TANC2: variants seen among roughly 807,000 people sequenced by gnomAD.
TANC2 encodes the protein protein TANC2.
In TANC2, 26 loss-of-function variants were observed where a neutral mutation model predicts 210.5. The observed-to-expected ratio is 0.12, with a 90% CI of 0.09 to 0.17. The LOEUF (loss-of-function observed/expected upper bound fraction) is 0.17, where lower values mean the gene tolerates loss of function less well. Ranked by LOEUF, TANC2 falls within the 10% of genes least tolerant of loss-of-function variation. TANC2 has a pLI of 1.00. For missense variants in TANC2, 2,129 were observed against 2,608.9 expected (o/e 0.82, Z 4.01); for synonymous variants, 931 against 967.1 (o/e 0.96, Z 0.69).
chr17:63,305,838 C>T (rs2146523867), intron 9 of TANC2, among the ~76,000 whole-genome samples: 1 of 152,298 alleles, frequency 6.6e-6, no homozygotes, highest in Admixed American at 6.5e-5. Context: ...GGACAACCTG[C>T]CCTAAGGCAC....
chr17:63,203,033 A>G (rs755665956), intron 7 of TANC2, among the ~76,000 whole-genome samples: 7 of 152,074 alleles, frequency 4.6e-5, no homozygotes, highest in Non-Finnish European at 8.8e-5. Context: ...CATTTGTACA[A>G]ACCTTTTCTG....
At chr17:63,360,778 C>T (rs778157755) in intron 14 of TANC2, among the ~76,000 whole-genome samples, 3 of 152,058 alleles carry the variant, frequency 2.0e-5, no homozygotes, top group Non-Finnish European at 2.9e-5. Context: ...CCCCTTTCCA[C>T]CAACCCCTCC....
chr17:63,269,840 A>C (rs761989680), intron 9 of TANC2, among the ~76,000 whole-genome samples: 2 of 152,188 alleles, frequency 1.3e-5, no homozygotes, highest in African/African-American at 2.4e-5. Flanking sequence ...ACAAAAGCAC[A>C]TTCAAAGATT....
intron 7 of TANC2, among the ~76,000 whole-genome samples, chr17:63,205,343 G>A (rs1226448657): frequency 2.8e-4 from 2 of 7,184 alleles, no homozygotes; most frequent in African/African-American, 2.3e-3. Context: ...AACCAAGGAG[G>A]CAAAAAAAAA....
chr17:63,001,695 C>G (rs1317925525), intron 1 of TANC2, among the ~76,000 whole-genome samples: 2 of 151,944 alleles, frequency 1.3e-5, no homozygotes, highest in Non-Finnish European at 2.9e-5. Flanking sequence ...CAGGTGCATG[C>G]CAGCATGCCC....
intron 21 of TANC2, among the ~76,000 whole-genome samples, chr17:63,408,180 A>T (rs920244950): frequency 6.6e-6 from 1 of 152,252 alleles, no homozygotes; most frequent in Non-Finnish European, 1.5e-5. Flanking sequence ...CAAGGGCAGT[A>T]GCTTTCAGCA....
chr17:63,283,373 A>C (rs553534019), intron 9 of TANC2, among the ~76,000 whole-genome samples: 1 of 152,084 alleles, frequency 6.6e-6, no homozygotes, highest in East Asian at 1.9e-4. Context: ...GCTTTATAGT[A>C]AATCTTGAAA....
chr17:63,249,792 C>T (rs1467330109), intron 8 of TANC2, among the ~76,000 whole-genome samples: 2 of 152,166 alleles, frequency 1.3e-5, no homozygotes, highest in African/African-American at 4.8e-5. Context: ...GCTTCTTGCC[C>T]AGGCAGGAGC....
chr17:63,406,004 G>A, intron 20 of TANC2, 150 bp from the exon 21 acceptor site: 1 of 940,670 alleles, frequency 1.1e-6, no homozygotes, highest in Non-Finnish European at 1.6e-6. Flanking sequence ...CATGGTACTA[G>A]GACTATACAG....
At chr17:63,214,694 C>T (rs2041977419) in intron 7 of TANC2, among the ~76,000 whole-genome samples, 1 of 152,170 alleles carries the variant, frequency 6.6e-6, no homozygotes, top group South Asian at 2.1e-4. Flanking sequence ...AGGACCTAAT[C>T]AACCCCCAAA....
At chr17:63,325,512 A>C (rs796711700) in intron 11 of TANC2, among the ~76,000 whole-genome samples, 9 of 151,942 alleles carry the variant, frequency 5.9e-5, no homozygotes, top group African/African-American at 2.2e-4. Flanking sequence ...TTGCCCTAGC[A>C]CCCTATGTTT....
At chr17:63,258,662 C>T (rs778328592) in intron 8 of TANC2, among the ~76,000 whole-genome samples, 6 of 152,138 alleles carry the variant, frequency 3.9e-5, no homozygotes, top group Non-Finnish European at 5.9e-5. Flanking sequence ...CTAATGTTCA[C>T]TCAAGGCCCA....
chr17:63,284,573 A>T (rs995640074), intron 9 of TANC2, among the ~76,000 whole-genome samples: 1 of 152,004 alleles, frequency 6.6e-6, no homozygotes, highest in South Asian at 2.1e-4. Flanking sequence ...TATTTCTGCT[A>T]TCGATTCCAA....
intron 17 of TANC2, among the ~76,000 whole-genome samples, chr17:63,395,064 G>A (rs2048110040): frequency 6.6e-6 from 1 of 152,226 alleles, no homozygotes; most frequent in East Asian, 1.9e-4. Context: ...TCTAATGAAA[G>A]GCTACTCATC....
At chr17:63,334,621 G>T (rs751468697) in intron 11 of TANC2, among the ~76,000 whole-genome samples, 2 of 151,954 alleles carry the variant, frequency 1.3e-5, no homozygotes, top group Non-Finnish European at 2.9e-5. Flanking sequence ...AAAATTAATG[G>T]GCAAAAGTTT....
At chr17:63,204,564 G>T (rs558035350) in intron 7 of TANC2, among the ~76,000 whole-genome samples, 6 of 150,718 alleles carry the variant, frequency 4.0e-5, no homozygotes, top group Admixed American at 3.3e-4. Flanking sequence ...AGGAGTTCAA[G>T]TCCAGCCTGG....
intron 4 of TANC2, among the ~76,000 whole-genome samples, chr17:63,106,517 G>C (rs980122422): frequency 6.6e-6 from 1 of 151,584 alleles, no homozygotes; most frequent in Non-Finnish European, 1.5e-5. Context: ...AGATTATCAA[G>C]GGTAGGGGGA....
chr17:63,133,347 C>T (rs1466703956), intron 4 of TANC2, among the ~76,000 whole-genome samples: 1 of 152,166 alleles, frequency 6.6e-6, no homozygotes, highest in Non-Finnish European at 1.5e-5. Flanking sequence ...TCTTGTGATC[C>T]ACCCGCCTCT....
intron 4 of TANC2, among the ~76,000 whole-genome samples, chr17:63,119,196 T>A (rs993371065): frequency 6.6e-6 from 1 of 152,192 alleles, no homozygotes; most frequent in African/African-American, 2.4e-5. Flanking sequence ...AGTGCTGGGA[T>A]TACAGGTATG....
Sources: allele counts gnomAD v4.1 joint callset (sites outside exome capture counted in the v4.1 genomes callset), GRCh38; gene constraint gnomAD v4.1.1; transcripts MANE v1.5; gene names NCBI Gene and HGNC (gene_info 2026-07-23, HGNC 2026-07-21).